The following WWOX variants were observed in gnomAD, a reference collection of about 807,000 sequenced individuals.
WWOX encodes the protein WW domain containing oxidoreductase.
WWOX carries 69 observed loss-of-function variants against 46.2 expected under a neutral mutation model. The ratio of observed to expected loss-of-function variants is 1.49; its 90% confidence interval spans 1.23 to 1.82. WWOX has a LOEUF of 1.82. Among genes scored for constraint, WWOX ranks in the 40% most tolerant of loss-of-function variants. WWOX has a pLI of 0.00. For missense variants in WWOX, 919 were observed against 542.6 expected (o/e 1.69, Z -6.89); for synonymous variants, 359 against 202.6 (o/e 1.77, Z -6.56).
At chr16:78,527,290 T>G (rs1218793505) in intron 8 of WWOX, among the ~76,000 whole-genome samples, 1 of 97,062 alleles carries the variant, frequency 1.0e-5, no homozygotes, top group Non-Finnish European at 2.3e-5. Flanking sequence ...CGCTCTTTTT[T>G]TCTTTCTTTT....
intron 8 of WWOX, chr16:78,890,148 CAT>C (rs2044557468): frequency 6.6e-6 from 1 of 152,128 alleles, no homozygotes; most frequent in Non-Finnish European, 1.5e-5. Context: ...ACATCAATGT[CAT>C]AACAGTTTTG....
intron 8 of WWOX, among the ~76,000 whole-genome samples, chr16:79,045,939 C>G (rs183025016): frequency 1.5e-4 from 23 of 151,518 alleles, no homozygotes; most frequent in African/African-American, 5.6e-4. Flanking sequence ...GTAGCTGGGA[C>G]TACAGGTGCA....
At chr16:78,947,485 G>A (rs1031664683) in intron 8 of WWOX, among the ~76,000 whole-genome samples, 4 of 152,184 alleles carry the variant, frequency 2.6e-5, no homozygotes, top group Non-Finnish European at 4.4e-5. Flanking sequence ...TGCAGGGGAG[G>A]GCTGGCAAAT....
intron 8 of WWOX, among the ~76,000 whole-genome samples, chr16:78,512,338 A>G (rs181394498): frequency 1.3e-5 from 2 of 152,344 alleles, no homozygotes; most frequent in East Asian, 3.9e-4. Flanking sequence ...CTATGATGAT[A>G]ATATACTTTT....
chr16:78,642,011 G>A (rs1389365898), intron 8 of WWOX, among the ~76,000 whole-genome samples: 1 of 152,136 alleles, frequency 6.6e-6, no homozygotes, highest in East Asian at 1.9e-4. Flanking sequence ...GGGGGAAAAA[G>A]AAGAAAAACA....
intron 8 of WWOX, among the ~76,000 whole-genome samples, chr16:78,899,804 G>C (rs902109013): frequency 6.6e-6 from 1 of 152,124 alleles, no homozygotes; most frequent in Admixed American, 6.5e-5. Flanking sequence ...TATTTGTGTT[G>C]TAGCTTGGAA....
intron 5 of WWOX, among the ~76,000 whole-genome samples, chr16:78,170,739 C>G (rs1388022374): frequency 1.3e-5 from 2 of 152,218 alleles, no homozygotes; most frequent in Non-Finnish European, 2.9e-5. Flanking sequence ...CAAAGAAATA[C>G]ACTCTGCATA....
chr16:78,293,862 G>C (rs930531188), intron 5 of WWOX, among the ~76,000 whole-genome samples: 8 of 151,644 alleles, frequency 5.3e-5, no homozygotes, highest in Non-Finnish European at 1.0e-4. Context: ...TTTAATCCCA[G>C]CTGCTCAGGA....
At chr16:78,229,594 A>C (rs555988493) in intron 5 of WWOX, among the ~76,000 whole-genome samples, 111 of 151,428 alleles carry the variant, frequency 7.3e-4, no homozygotes, top group African/African-American at 2.6e-3. Flanking sequence ...TAGAGTGATT[A>C]GCTTGAGGCG....
rs530629959 is a variant in WWOX, at chr16:78,287,088, G to A, written c.517-99772G>A. On this transcript the variant is annotated intron_variant, in intron 5 of 8. Transcript: ENST00000566780. ...ATACAACGGGACAAGCTTATGGTAG[G>A]TCTGACCTCAGCATTCAGAAAAACA... Among the ~76,000 whole-genome samples the A allele has an allele frequency of 1.2e-4, 19 of 152,160 alleles. 1 individual carries two copies. Among genetic ancestry groups the A allele is most frequent in the Non-Finnish European group, 2.6e-4 (18 of 68,020 alleles).
chr16:78,776,116 A>C (rs964193281), intron 8 of WWOX, among the ~76,000 whole-genome samples: 6 of 152,240 alleles, frequency 3.9e-5, no homozygotes, highest in Non-Finnish European at 1.5e-5. Context: ...GATACTGGGA[A>C]GTAAAAGGGA....
intron 8 of WWOX, among the ~76,000 whole-genome samples, chr16:79,063,581 A>G (rs1042663879): frequency 2.6e-5 from 4 of 152,202 alleles, no homozygotes; most frequent in African/African-American, 9.7e-5. Context: ...CCAGGAGCGG[A>G]TTTGGAAACA....
intron 8 of WWOX, among the ~76,000 whole-genome samples, chr16:78,685,156 T>G (rs187763008): frequency 1.3e-5 from 2 of 152,298 alleles, no homozygotes; most frequent in East Asian, 3.9e-4. Context: ...CCATTCTGTT[T>G]TTATGACCCT....
chr16:78,383,977 A>C (rs2082008378), intron 5 of WWOX, among the ~76,000 whole-genome samples: 1 of 152,206 alleles, frequency 6.6e-6, no homozygotes, highest in Non-Finnish European at 1.5e-5. Flanking sequence ...GAAGGGAAGC[A>C]GGGGAACCAA....
chr16:78,548,659 G>C (rs1027240230), intron 8 of WWOX, among the ~76,000 whole-genome samples: 130 of 152,084 alleles, frequency 8.5e-4, no homozygotes, highest in African/African-American at 3.1e-3. Flanking sequence ...TGTTCCATCC[G>C]CCTGCCACAG....
intron 8 of WWOX, among the ~76,000 whole-genome samples, chr16:79,107,187 C>G (rs1243689314): frequency 2.6e-5 from 4 of 152,156 alleles, no homozygotes; most frequent in South Asian, 2.1e-4. Context: ...GTGATCCGCC[C>G]TTCTCCGCCT....
intron 8 of WWOX, among the ~76,000 whole-genome samples, chr16:79,092,321 A>G (rs1171319598): frequency 2.0e-5 from 3 of 152,206 alleles, no homozygotes; most frequent in African/African-American, 4.8e-5. Context: ...CTAGGAATCA[A>G]TCGTGCTGGG....
chr16:78,100,075 C>G (rs536057078), intron 1 of WWOX, 190 bp downstream of exon 1: 2 of 1,390,298 alleles, frequency 1.4e-6, no homozygotes, highest in African/African-American at 3.0e-5. Context: ...GGCCTCGGGT[C>G]CAGCGGGGGT....
chr16:79,142,790 C>G (rs911500909), intron 8 of WWOX, among the ~76,000 whole-genome samples: 1 of 152,132 alleles, frequency 6.6e-6, no homozygotes, highest in Admixed American at 6.5e-5. Flanking sequence ...CCTTGACCTC[C>G]CAGGCCCAAC....
Sources: gnomAD v4.1 joint callset for allele counts (sites outside exome capture counted in the v4.1 genomes callset) on GRCh38, gnomAD v4.1.1 for gene constraint, MANE v1.5 for transcripts, NCBI Gene and HGNC (gene_info 2026-07-23, HGNC 2026-07-21) for gene names.